The following SCN2A variants were observed in gnomAD, a reference collection of about 807,000 sequenced individuals.
The protein encoded by SCN2A is sodium channel protein type 2 subunit alpha.
Under a neutral mutation model 188.7 loss-of-function variants are expected in SCN2A, and 20 were observed. The observed-to-expected ratio is 0.11, with a 90% CI of 0.07 to 0.15. The LOEUF is 0.15. Ranked by LOEUF, SCN2A falls within the 10% of genes least tolerant of loss-of-function variation. The pLI, the probability that SCN2A is intolerant of heterozygous loss-of-function variation, is 1.00. For missense variants in SCN2A, 1,278 were observed against 2,445.0 expected (o/e 0.52, Z 10.07); for synonymous variants, 804 against 833.1 (o/e 0.97, Z 0.60).
At chr2:165,349,778 T>C (rs1312408426) in intron 16 of SCN2A, among the ~76,000 whole-genome samples, 3 of 152,220 alleles carry the variant, frequency 2.0e-5, no homozygotes, top group Non-Finnish European at 4.4e-5. Context: ...TAGTCATATA[T>C]ATCATGTTTA....
intron 17 of SCN2A, among the ~76,000 whole-genome samples, chr2:165,356,985 A>G (rs1374703281): frequency 6.6e-6 from 1 of 152,198 alleles, no homozygotes; most frequent in East Asian, 1.9e-4. Context: ...AGACAGGATT[A>G]TTTTATTGCT....
chr2:165,265,471 C>CTATATATATATATATATATA (rs1178289931), intron 1 of SCN2A, among the ~76,000 whole-genome samples: 1 of 29,022 alleles, frequency 3.4e-5, no homozygotes, highest in Non-Finnish European at 6.5e-5. Flanking sequence ...CTCTGTTGAT[C>CTATATATATATATATATATA]TATATATATA....
chr2:165,344,394 C>T (rs565584795), intron 15 of SCN2A, among the ~76,000 whole-genome samples, 161 bp from the exon 16 acceptor site: 1 of 151,510 alleles, frequency 6.6e-6, no homozygotes, highest in Non-Finnish European at 1.5e-5. Flanking sequence ...TTCCTGTGTC[C>T]ATGTGACTAA....
At chr2:165,347,359 A>C (rs998696588) in intron 16 of SCN2A, among the ~76,000 whole-genome samples, 1 of 151,846 alleles carries the variant, frequency 6.6e-6, no homozygotes, top group African/African-American at 2.4e-5. Context: ...ACCAAACACT[A>C]TATGTTCTCA....
intron 3 of SCN2A, among the ~76,000 whole-genome samples, chr2:165,302,633 G>C (rs1696881918): frequency 6.6e-6 from 1 of 152,102 alleles, no homozygotes; most frequent in South Asian, 2.1e-4. Context: ...TGTAAGAAAA[G>C]TATTATCCAC....
At chr2:165,317,287 A>G (rs1007853136) in intron 11 of SCN2A, among the ~76,000 whole-genome samples, 1 of 146,338 alleles carries the variant, frequency 6.8e-6, no homozygotes, top group Non-Finnish European at 1.5e-5. Flanking sequence ...ATCAATAAAT[A>G]GGAATCCTTT....
Position 165,367,335 on chromosome 2 carries a change from C to A in SCN2A, c.3639C>A (p.Phe1213Leu). ...KIVEHNWFETFIVFMILLSSG... is the reference protein window; with the variant it reads ...KIVEHNWFETLIVFMILLSSG... ...TGGAGCACAATTGGTTCGAAACCTT[C>A]ATTGTCTTCATGATTCTGCTGAGCA... The change falls in exon 19 of 27, where the codon TTC becomes TTA. Residue 1213 changes from phenylalanine (F) to leucine (L), a missense_variant. Around this residue, in one of 17 missense-constraint regions of SCN2A, gnomAD observed 228 missense variants for 297.3 expected, o/e 0.77. Transcript: ENST00000375437. 1 of 1,614,154 alleles carries A rather than the reference C, an allele frequency of 6.2e-7. No homozygotes were observed. The highest frequency in any genetic ancestry group is 8.5e-7 in the Non-Finnish European group (1 of 1,180,010).
chr2:165,386,941 A>T lies in SCN2A; in HGVS notation c.4747A>T (p.Ile1583Phe), dbSNP rs1701905281. The T allele has an allele frequency of 6.2e-7, 1 of 1,613,642 alleles. No individual in the cohort carries two copies. Among genetic ancestry groups the T allele is most frequent in the South Asian group, 1.1e-5 (1 of 91,084 alleles). ...CACTGGAGAATGTGTGCTGAAACTGATCTCTCTTCGTTACTACTATTTCAC... is the reference window on the plus strand; with the variant it reads ...CACTGGAGAATGTGTGCTGAAACTGTTCTCTCTTCGTTACTACTATTTCAC... ...LFTGECVLKL[I>F]SLRYYYFTIG... Residue 1583 changes from isoleucine to phenylalanine, a missense_variant, in exon 26 of 27, where the codon ATC (isoleucine) becomes TTC (phenylalanine). Ile to Phe is a conservative substitution (Grantham distance 21). Coordinates refer to ENST00000375437, the MANE Select transcript of SCN2A (RefSeq NM_001040142.2).
rs1700920913 is a variant in SCN2A, at chr2:165,369,656, C to T, written c.3676-470C>T. ...CAAAGGGAATTTCCAAACGTACACCCACCCGCCTCCACACACACACAGACA... is the reference window on the plus strand; with the variant it reads ...CAAAGGGAATTTCCAAACGTACACCTACCCGCCTCCACACACACACAGACA... On this transcript the variant is annotated intron_variant, in intron 19 of 26. Coordinates refer to ENST00000375437, the MANE Select transcript of SCN2A (RefSeq NM_001040142.2). Among the ~76,000 whole-genome samples the T allele has an allele frequency of 3.3e-5, 5 of 152,098 alleles. 1 individual carries two copies. Among genetic ancestry groups the T allele is most frequent in the Non-Finnish European group, 7.4e-5 (5 of 68,010 alleles).
chr2:165,303,678 G>A (rs16850370), intron 3 of SCN2A, among the ~76,000 whole-genome samples: 35,704 of 152,026 alleles, frequency 0.23, 4,482 homozygotes, highest in East Asian at 0.36. Context: ...CAATGATTTA[G>A]AAACTTAGTG....
intron 26 of SCN2A, among the ~76,000 whole-genome samples, chr2:165,388,338 G>A (rs1218593313): frequency 1.1e-4 from 16 of 152,054 alleles, no homozygotes; most frequent in Non-Finnish European, 2.9e-5. Flanking sequence ...CTTGGCCACT[G>A]TATGCTTCAT....
At chr2:165,263,658 A>G (rs1694706891) in intron 1 of SCN2A, among the ~76,000 whole-genome samples, 2 of 151,768 alleles carry the variant, frequency 1.3e-5, no homozygotes, top group Non-Finnish European at 2.9e-5. Context: ...GATGCCTCCA[A>G]ATTTGTTCTT....
chr2:165,313,886 C>T lies in SCN2A; in HGVS notation c.1177-16C>T, dbSNP rs553983883. The T allele has an allele frequency of 1.2e-6, 2 of 1,613,434 alleles. No individual in the cohort carries two copies. The highest frequency in any genetic ancestry group is 2.7e-5 in the African/African-American group (2 of 74,874). On this transcript the variant is annotated splice_polypyrimidine_tract_variant and intron_variant, in intron 9 of 26. Transcript: ENST00000375437. Reference sequence around the variant, plus strand: ...TCCTATATAAAATTTATTAAAATCTCTCTTCCATTTTGCAGACACTACGTG... The same window carrying T: ...TCCTATATAAAATTTATTAAAATCTTTCTTCCATTTTGCAGACACTACGTG...
At chr2:165,324,304 T>G (rs959472253) in intron 12 of SCN2A, among the ~76,000 whole-genome samples, 6 of 152,238 alleles carry the variant, frequency 3.9e-5, no homozygotes, top group Admixed American at 6.5e-5. Flanking sequence ...GATTGTATTT[T>G]ATAGCATTCA....
At chr2:165,385,698 C>A (rs1701833469) in intron 25 of SCN2A, among the ~76,000 whole-genome samples, 1 of 152,036 alleles carries the variant, frequency 6.6e-6, no homozygotes, top group Admixed American at 6.6e-5. Context: ...TCCACTGAAG[C>A]CTTTTCTCTA....
chr2:165,308,802 T>A lies in SCN2A; in HGVS notation c.605+8T>A. ...CACAGTCATTACTTTTGCGTAAGTA[T>A]CTTAATACATTTTCTATCCTGGAAG... On this transcript the variant is annotated splice_region_variant and intron_variant, in intron 5 of 26. Transcript: ENST00000375437. 1 of 1,612,496 alleles carries A rather than the reference T, an allele frequency of 6.2e-7. No individual in the cohort carries two copies. Among genetic ancestry groups the A allele is most frequent in the Non-Finnish European group, 8.5e-7 (1 of 1,178,846 alleles).
At chr2:165,341,344 C>T (rs1453647535) in intron 14 of SCN2A, among the ~76,000 whole-genome samples, 1 of 152,154 alleles carries the variant, frequency 6.6e-6, no homozygotes, top group Non-Finnish European at 1.5e-5. Context: ...CTGCCCACCT[C>T]GGCCTCCCAA....
At chr2:165,265,472 T>G (rs1165787889) in intron 1 of SCN2A, among the ~76,000 whole-genome samples, 2 of 12,974 alleles carry the variant, frequency 1.5e-4, no homozygotes, top group African/African-American at 5.7e-4. Flanking sequence ...TCTGTTGATC[T>G]ATATATATAT....
intron 3 of SCN2A, among the ~76,000 whole-genome samples, chr2:165,300,769 T>C (rs191570765): frequency 3.3e-5 from 5 of 152,142 alleles, no homozygotes; most frequent in African/African-American, 1.2e-4. Flanking sequence ...GTGCAGTGGG[T>C]CATTGTGAGG....
Sources: gnomAD v4.1 joint callset for allele counts (sites outside exome capture counted in the v4.1 genomes callset) on GRCh38, gnomAD v4.1.1 for gene constraint, gnomAD v4.1.1 regional missense constraint, MANE v1.5 for transcripts, NCBI Gene and HGNC (gene_info 2026-07-23, HGNC 2026-07-21) for gene names.